Variants in RBMS3 observed in about 807,000 individuals in gnomAD.
RBMS3 encodes the protein RNA binding motif single stranded interacting protein 3.
RBMS3 carries 27 observed loss-of-function variants against 66.8 expected under a neutral mutation model. That is an observed-to-expected ratio of 0.40 (90% CI 0.30 to 0.56). The LOEUF is 0.56. Among genes scored for constraint, RBMS3 ranks in the 20% least tolerant of loss-of-function variants. The pLI, the probability that RBMS3 is intolerant of heterozygous loss-of-function variation, is 0.40. For synonymous variants in RBMS3, 188 were observed against 183.0 expected, an observed-to-expected ratio of 1.03 and a Z score of -0.22; for missense variants, 513 against 549.5, an observed-to-expected ratio of 0.93 and a Z score of 0.66.
At chr3:29,849,734 ATT>A (rs1306684820) in intron 6 of RBMS3, among the ~76,000 whole-genome samples, 1 of 152,200 alleles carries the variant, frequency 6.6e-6, no homozygotes, top group Non-Finnish European at 1.5e-5. Context: ...TTGCAGAAAT[ATT>A]TTAACAGCAA....
At chr3:29,673,881 G>A (rs1482115398) in intron 4 of RBMS3, among the ~76,000 whole-genome samples, 1 of 152,100 alleles carries the variant, frequency 6.6e-6, no homozygotes, top group African/African-American at 2.4e-5. Flanking sequence ...GAAAAGGAGG[G>A]AATCCTCCCT....
intron 10 of RBMS3, among the ~76,000 whole-genome samples, chr3:29,929,909 T>A (rs566573647): frequency 1.5e-3 from 226 of 151,774 alleles, no homozygotes; most frequent in Non-Finnish European, 2.5e-3. Context: ...CCAAAATAAA[T>A]AGCAAAATAA....
chr3:29,441,064 C>T (rs2041601863), intron 2 of RBMS3, among the ~76,000 whole-genome samples: 1 of 152,164 alleles, frequency 6.6e-6, no homozygotes, highest in Admixed American at 6.5e-5. Context: ...TTATTAGTAG[C>T]TGTCTTCTGC....
At chr3:29,647,912 A>G (rs974451458) in intron 4 of RBMS3, among the ~76,000 whole-genome samples, 1 of 152,208 alleles carries the variant, frequency 6.6e-6, no homozygotes, top group African/African-American at 2.4e-5. Flanking sequence ...AATGGTTAAG[A>G]TCTACTGGGT....
intron 1 of RBMS3, among the ~76,000 whole-genome samples, chr3:29,292,883 C>A (rs1033332563): frequency 5.3e-5 from 8 of 151,902 alleles, no homozygotes; most frequent in East Asian, 3.9e-4. Context: ...AGGAAAAGGT[C>A]ATTTACAAAC....
intron 4 of RBMS3, among the ~76,000 whole-genome samples, chr3:29,697,841 C>T (rs186066929): frequency 5.3e-5 from 8 of 152,216 alleles, no homozygotes; most frequent in Admixed American, 2.6e-4. Flanking sequence ...ATCATTTTAG[C>T]GCTCAAAAAA....
intron 5 of RBMS3, among the ~76,000 whole-genome samples, chr3:29,755,341 A>G (rs149451762): frequency 6.6e-6 from 1 of 152,324 alleles, no homozygotes; most frequent in African/African-American, 2.4e-5. Context: ...GGCAAACTTT[A>G]TCTCTTACAT....
At chr3:29,900,337 A>G (rs898458247) in intron 10 of RBMS3, among the ~76,000 whole-genome samples, 1 of 151,800 alleles carries the variant, frequency 6.6e-6, no homozygotes. Context: ...TTAATTAACT[A>G]TAGCAGTTTT....
chr3:29,812,748 C>A (rs2057763863), intron 6 of RBMS3, among the ~76,000 whole-genome samples: 1 of 152,062 alleles, frequency 6.6e-6, no homozygotes, highest in South Asian at 2.1e-4. Context: ...TGAGAGTAAT[C>A]AGGAAAGTCT....
At chr3:29,587,280 A>AAG (rs375288341) in intron 4 of RBMS3, 75 bp downstream of exon 4, 51 of 638,758 alleles carry the variant, frequency 8.0e-5, no homozygotes, top group East Asian at 1.9e-4. Context: ...GTGTGTGTGA[A>AAG]AGAGAGAGAG....
chr3:29,990,456 G>GAAA (rs1698770917), intron 13 of RBMS3, among the ~76,000 whole-genome samples: 1 of 30,680 alleles, frequency 3.3e-5, no homozygotes. Flanking sequence ...GCATCTGTGA[G>GAAA]AAACAAAAAA....
intron 1 of RBMS3, chr3:29,391,054 G>T: frequency 2.6e-6 from 1 of 383,950 alleles, no homozygotes; most frequent in South Asian, 2.2e-5. Context: ...CCTTTGTGCT[G>T]AACAGCAAAT....
At chr3:29,447,775 C>T (rs4583597) in intron 2 of RBMS3, among the ~76,000 whole-genome samples, 101,828 of 152,024 alleles carry the variant, frequency 0.67, 34,210 homozygotes, top group East Asian at 0.75. Flanking sequence ...TACTGAAACT[C>T]TCTATTCAAA....
intron 12 of RBMS3, among the ~76,000 whole-genome samples, chr3:29,985,991 A>G (rs925802084): frequency 2.6e-5 from 4 of 152,188 alleles, no homozygotes; most frequent in African/African-American, 9.7e-5. Context: ...GTGGGGATGG[A>G]CCAGAGTAGT....
intron 10 of RBMS3, among the ~76,000 whole-genome samples, chr3:29,930,243 C>CT (rs1346487494): frequency 6.6e-6 from 1 of 150,746 alleles, no homozygotes; most frequent in East Asian, 2.0e-4. Context: ...TCCGAAGTAG[C>CT]TGGGACTACA....
chr3:29,724,273 AT>A (rs2053764108), intron 4 of RBMS3, among the ~76,000 whole-genome samples: 1 of 152,178 alleles, frequency 6.6e-6, no homozygotes, highest in African/African-American at 2.4e-5. Flanking sequence ...TTGTTCTGTA[AT>A]TAACATGACT....
intron 3 of RBMS3, among the ~76,000 whole-genome samples, chr3:29,574,450 G>C (rs1267783521): frequency 2.0e-5 from 3 of 151,910 alleles, no homozygotes; most frequent in Non-Finnish European, 4.4e-5. Flanking sequence ...CAGTCTGTGG[G>C]TCTTTATACG....
At chr3:29,446,438 G>A (rs2033775) in intron 2 of RBMS3, among the ~76,000 whole-genome samples, 98,704 of 151,880 alleles carry the variant, frequency 0.65, 32,307 homozygotes, top group East Asian at 0.72. Context: ...GAGATTATAC[G>A]TATTTAGTAA....
intron 11 of RBMS3, among the ~76,000 whole-genome samples, chr3:29,943,794 C>T (rs1416395891): frequency 6.6e-6 from 1 of 151,648 alleles, no homozygotes; most frequent in Non-Finnish European, 1.5e-5. Context: ...TTATTTTTCT[C>T]TTTTAAATTT....
Sources: allele counts gnomAD v4.1 joint callset (sites outside exome capture counted in the v4.1 genomes callset), GRCh38; gene constraint gnomAD v4.1.1; transcripts MANE v1.5; gene names NCBI Gene and HGNC (gene_info 2026-07-23, HGNC 2026-07-21).